LRRC37A: variants seen among roughly 807,000 people sequenced by gnomAD.
LRRC37A encodes leucine rich repeat containing 37A.
Under a neutral mutation model 35.4 loss-of-function variants are expected in LRRC37A, and 3 were observed. The observed-to-expected ratio is 0.08, with a 90% CI of 0.04 to 0.22. The LOEUF is 0.22. Among genes scored for constraint, LRRC37A ranks in the 10% least tolerant of loss-of-function variants. The pLI is 1.00. For synonymous variants in LRRC37A, 23 were observed against 215.0 expected (o/e 0.11, Z 7.81); for missense variants, 67 against 565.3 (o/e 0.12, Z 8.94).
At chr17:46,290,899 A>G (rs1435952626), upstream of LRRC37A, among the ~76,000 whole-genome samples, 2 of 148,096 alleles carry the variant, frequency 1.4e-5, no homozygotes, top group Non-Finnish European at 3.1e-5. Flanking sequence ...TGTACCTGAA[A>G]TAAGTTTGCT....
chr17:46,287,766 C>T (rs1309711869), upstream of LRRC37A, among the ~76,000 whole-genome samples: 10 of 152,220 alleles, frequency 6.6e-5, no homozygotes, highest in African/African-American at 2.2e-4. Context: ...AGATAGTTAT[C>T]CAGAATCTGT....
intron 7 of LRRC37A, among the ~76,000 whole-genome samples, chr17:46,327,816 ACTC>A (rs1400337614): frequency 9.7e-5 from 1 of 10,340 alleles, no homozygotes; most frequent in East Asian, 2.0e-3. Flanking sequence ...TTGAAGAAGA[ACTC>A]CTCCTCTTTC....
the LRRC37A span, among the ~76,000 whole-genome samples, chr17:46,283,941 T>G: frequency 6.6e-6 from 1 of 152,260 alleles, no homozygotes; most frequent in South Asian, 2.1e-4. Context: ...CACATACACA[T>G]AAACATCTCA....
chr17:46,283,459 T>C, the LRRC37A span, among the ~76,000 whole-genome samples: 1 of 152,258 alleles, frequency 6.6e-6, no homozygotes, highest in African/African-American at 2.4e-5. Flanking sequence ...AGATTCCCAG[T>C]TGAGTCACTA....
the LRRC37A span, among the ~76,000 whole-genome samples, chr17:46,263,380 G>A: frequency 7.9e-5 from 12 of 151,838 alleles, no homozygotes; most frequent in South Asian, 2.1e-4. Context: ...GTGAAACCCC[G>A]TCTCTACTAA....
At chr17:46,291,932 G>C (rs2050079836), upstream of LRRC37A, among the ~76,000 whole-genome samples, 1 of 133,920 alleles carries the variant, frequency 7.5e-6, no homozygotes, top group Non-Finnish European at 1.6e-5. Flanking sequence ...CTGCACTCCA[G>C]CCTAGGAAAA....
At chr17:46,317,175 C>T (rs1348854129) in intron 5 of LRRC37A, among the ~76,000 whole-genome samples, 10 of 86,428 alleles carry the variant, frequency 1.2e-4, no homozygotes, top group South Asian at 4.6e-4. Flanking sequence ...TCCTCACATC[C>T]CAGACGGGCA....
the LRRC37A span, among the ~76,000 whole-genome samples, chr17:46,284,852 A>G: frequency 6.6e-6 from 1 of 152,222 alleles, no homozygotes; most frequent in Non-Finnish European, 1.5e-5. Context: ...GTTTCAATCC[A>G]ATGCACTATA....
At chr17:46,283,692 C>G in the LRRC37A span, among the ~76,000 whole-genome samples, 4 of 137,020 alleles carry the variant, frequency 2.9e-5, no homozygotes, top group Admixed American at 1.5e-4. Context: ...GAAAAAGACA[C>G]AGAGACAAAG....
chr17:46,291,913 A>C (rs2050079157), upstream of LRRC37A, among the ~76,000 whole-genome samples: 1 of 146,604 alleles, frequency 6.8e-6, no homozygotes, highest in South Asian at 2.2e-4. Context: ...ATGGGGTGTG[A>C]TTGCACCGCT....
At chr17:46,260,618 C>CACT in the LRRC37A span, 14 of 1,181,880 alleles carry the variant, frequency 1.2e-5, no homozygotes, top group Non-Finnish European at 1.5e-5. Flanking sequence ...GCTCTCTATT[C>CACT]TCTTTTTTTT....
At chr17:46,266,336 C>A in the LRRC37A span, among the ~76,000 whole-genome samples, 1 of 152,196 alleles carries the variant, frequency 6.6e-6, no homozygotes, top group Non-Finnish European at 1.5e-5. Context: ...CAAACGCACA[C>A]GAGTTTAAAG....
chr17:46,258,028 A>G, the LRRC37A span, among the ~76,000 whole-genome samples: 6 of 152,166 alleles, frequency 3.9e-5, no homozygotes, highest in African/African-American at 7.2e-5. Context: ...AAGGTCACTC[A>G]TTGGTTGTTG....
intron 10 of LRRC37A, among the ~76,000 whole-genome samples, chr17:46,332,880 G>T (rs1056052): frequency 6.6e-6 from 1 of 151,178 alleles, no homozygotes; most frequent in Non-Finnish European, 1.5e-5. Context: ...GAAACCAAGT[G>T]AATCCCACTA....
At chr17:46,291,374 C>A (rs895270722), upstream of LRRC37A, among the ~76,000 whole-genome samples, 9 of 151,782 alleles carry the variant, frequency 5.9e-5, no homozygotes, top group African/African-American at 2.2e-4. Context: ...AAACTGTGAG[C>A]AGGACTAAAA....
chr17:46,284,424 C>T, the LRRC37A span, among the ~76,000 whole-genome samples: 6 of 152,246 alleles, frequency 3.9e-5, no homozygotes, highest in East Asian at 1.9e-4. Context: ...TGACACAGCA[C>T]ATGTCTCAGA....
At chr17:46,267,292 C>T in the LRRC37A span, 1 of 1,254,630 alleles carries the variant, frequency 8.0e-7, no homozygotes, top group Non-Finnish European at 1.1e-6. Context: ...GGGAGAGGAA[C>T]TGGGGTTCCC....
At chr17:46,259,905 G>T in the LRRC37A span, 455 of 1,572,154 alleles carry the variant, frequency 2.9e-4, 1 homozygote, top group Non-Finnish European at 3.9e-4. Flanking sequence ...CTGGCTGTGG[G>T]GACCGCAAGG....
At chr17:46,253,951 AG>A in the LRRC37A span, among the ~76,000 whole-genome samples, 1 of 152,248 alleles carries the variant, frequency 6.6e-6, no homozygotes, top group African/African-American at 2.4e-5. Context: ...CAACAGAGGT[AG>A]GGGAAGATTA....
Sources: gnomAD v4.1 joint callset for allele counts (sites outside exome capture counted in the v4.1 genomes callset) on GRCh38, gnomAD v4.1.1 for gene constraint, MANE v1.5 for transcripts, NCBI Gene and HGNC (gene_info 2026-07-23, HGNC 2026-07-21) for gene names.